The following KIAA1217 variants were observed in gnomAD, a reference collection of about 807,000 sequenced individuals.
The protein encoded by KIAA1217 is sickle tail protein homolog.
Under a neutral mutation model 163.9 loss-of-function variants are expected in KIAA1217, and 88 were observed. That is an observed-to-expected ratio of 0.54 (90% CI 0.45 to 0.64). The LOEUF (loss-of-function observed/expected upper bound fraction) is 0.64. KIAA1217 is among the 30% of genes least tolerant of loss of function. The pLI, the probability that KIAA1217 is intolerant of heterozygous loss-of-function variation, is 0.00. For synonymous variants in KIAA1217, 903 were observed against 923.1 expected (o/e 0.98, Z 0.39); for missense variants, 2,372 against 2,475.0 (o/e 0.96, Z 0.88).
At chr10:23,804,011 A>G (rs967783993) in intron 1 of KIAA1217, among the ~76,000 whole-genome samples, 2 of 152,238 alleles carry the variant, frequency 1.3e-5, no homozygotes, top group Non-Finnish European at 2.9e-5. Flanking sequence ...ATATAGACCT[A>G]AAATAATATT....
intron 3 of KIAA1217, among the ~76,000 whole-genome samples, chr10:24,400,501 G>A (rs1300812081): frequency 6.6e-6 from 1 of 152,116 alleles, no homozygotes; most frequent in East Asian, 1.9e-4. Context: ...AACAAATCTT[G>A]GCTCTTAAAG....
In KIAA1217 at chr10:24,544,975, C is replaced by T. The variant is rs775855368; in HGVS notation, c.5212-6C>T. On this transcript the variant is annotated splice_polypyrimidine_tract_variant and splice_region_variant and intron_variant, in intron 19 of 20. Transcript: ENST00000376454. ...CTCTTCCCCCTCTCACTGGTCCTTC[C>T]CACAGGGCTCCAGCGGGGCCCCACA... 6.2e-7 allele frequency: 1 copy of T among 1,613,732 alleles called. No individual in the cohort carries two copies. Among genetic ancestry groups the T allele is most frequent in the Non-Finnish European group, 8.5e-7 (1 of 1,179,754 alleles).
chr10:24,443,933 G>C (rs185616184), intron 5 of KIAA1217, among the ~76,000 whole-genome samples: 1 of 152,196 alleles, frequency 6.6e-6, no homozygotes, highest in South Asian at 2.1e-4. Flanking sequence ...AAAGCTGGAT[G>C]ATGGGGGTAC....
chr10:24,527,146 A>G (rs2072312011), intron 13 of KIAA1217, among the ~76,000 whole-genome samples: 1 of 152,016 alleles, frequency 6.6e-6, no homozygotes, highest in Non-Finnish European at 1.5e-5. Context: ...GGTCATCTAA[A>G]TAATACCTCC....
At chr10:24,442,076 A>T (rs1417298615) in intron 5 of KIAA1217, among the ~76,000 whole-genome samples, 1 of 151,852 alleles carries the variant, frequency 6.6e-6, no homozygotes, top group Non-Finnish European at 1.5e-5. Context: ...TTTCTCTTGC[A>T]TGTCTTTGAT....
chr10:24,505,366 T>A (rs1035477654), intron 9 of KIAA1217, among the ~76,000 whole-genome samples: 1 of 151,360 alleles, frequency 6.6e-6, no homozygotes, highest in African/African-American at 2.4e-5. Context: ...TGGGAAAGGG[T>A]TTTGTCAAGG....
rs770195224 is a variant in KIAA1217, at chr10:24,524,434, C to T, written c.2568C>T (p.Ala856=). The T allele has an allele frequency of 3.1e-6, 5 of 1,614,098 alleles. No individual in the cohort carries two copies. The African/African-American group carries it at 6.7e-5, about 22-fold the overall frequency. Residue 856 remains alanine, a synonymous_variant, in exon 13 of 21, where the codon GCC becomes GCT. Transcript: ENST00000376454. ...TCCTGAAGAGTCAGGAGGAGGCAGC[C>T]CACACCTCCGGCCAGCCCTTCCACA... ...AEVLKSQEEA[A]HTSGQPFHST... is the part of the protein sequence containing the mutation.
At chr10:24,512,774 C>T (rs575206291) in intron 9 of KIAA1217, among the ~76,000 whole-genome samples, 1 of 152,206 alleles carries the variant, frequency 6.6e-6, no homozygotes, top group Non-Finnish European at 1.5e-5. Context: ...TCCCATTCTA[C>T]ACCATGCGGT....
At position 24,542,921 on chromosome 10, in the gene KIAA1217, G is replaced by A. The variant is rs760391589; in HGVS notation, c.3651G>A (p.Lys1217=). 1.9e-6 allele frequency: 3 copies of A among 1,612,902 alleles called. No homozygotes were observed. Among genetic ancestry groups the A allele is most frequent in the Non-Finnish European group, 2.5e-6 (3 of 1,179,494 alleles). The change falls in exon 19 of 21, where the codon AAG becomes AAA. Residue 1217 remains lysine, a synonymous_variant. Coordinates refer to ENST00000376454, the MANE Select transcript of KIAA1217 (RefSeq NM_019590.5). The part of the protein sequence containing the change: ...TGAVRPSDPP[K]WERGMENSIS... ...CTGTAAGACCTAGTGACCCTCCTAA[G>A]TGGGAAAGAGGAATGGAGAATAGTA...
chr10:23,823,237 C>T lies in KIAA1217; in HGVS notation c.-321+128003C>T, dbSNP rs572522059. Among the ~76,000 whole-genome samples, 45 of 152,268 alleles carry T rather than the reference C, an allele frequency of 3.0e-4. No homozygotes were observed. The South Asian group carries it at 7.1e-3, about 24-fold the overall frequency. Reference sequence around the variant, plus strand: ...GCACATTCAGGTTGTTGGGAGAATTCGGTTCGTTACGGTTGTAGGACTGAG... The same window carrying T: ...GCACATTCAGGTTGTTGGGAGAATTTGGTTCGTTACGGTTGTAGGACTGAG... On this transcript the variant is annotated intron_variant, in intron 1 of 18. Transcript: ENST00000376462.
At chr10:23,861,283 A>G (rs1328747869) in intron 1 of KIAA1217, among the ~76,000 whole-genome samples, 1 of 152,186 alleles carries the variant, frequency 6.6e-6, no homozygotes, top group Non-Finnish European at 1.5e-5. Context: ...ATCCACATCA[A>G]GAAAGGCAGG....
Position 24,187,667 on chromosome 10 carries a change from G to C in KIAA1217, c.-170-31959G>C, listed in dbSNP as rs148914098. ...GCACTTTGGGAGGCTGAGGCAGGTG[G>C]ATCACCTGAGGGCAGGAGTTCGAGA... On this transcript the variant is annotated intron_variant, in intron 2 of 18. Coordinates refer to the KIAA1217 transcript ENST00000376462. 2.6e-3 allele frequency among the ~76,000 whole-genome samples: 395 copies of C among 152,150 alleles called. 2 individuals carry two copies. Among genetic ancestry groups the C allele is most frequent in the African/African-American group, 9.3e-3 (384 of 41,486 alleles).
intron 2 of KIAA1217, among the ~76,000 whole-genome samples, chr10:24,363,470 A>AT (rs1308724381): frequency 6.6e-6 from 1 of 151,824 alleles, no homozygotes; most frequent in African/African-American, 2.4e-5. Context: ...CTTCTGTTTA[A>AT]TTTTTACAGT....
At chr10:23,812,910 T>C (rs939649636) in intron 1 of KIAA1217, among the ~76,000 whole-genome samples, 1 of 152,178 alleles carries the variant, frequency 6.6e-6, no homozygotes, top group African/African-American at 2.4e-5. Context: ...TGAACATTCA[T>C]GTGCAACTTT....
At chr10:24,082,521 T>C (rs2061571625) in intron 2 of KIAA1217, among the ~76,000 whole-genome samples, 1 of 152,156 alleles carries the variant, frequency 6.6e-6, no homozygotes, top group South Asian at 2.1e-4. Context: ...CTGTGTTAGT[T>C]TGCTGAGGAT....
At chr10:24,505,286 A>T (rs2068186947) in intron 9 of KIAA1217, among the ~76,000 whole-genome samples, 1 of 150,692 alleles carries the variant, frequency 6.6e-6, no homozygotes, top group Non-Finnish European at 1.5e-5. Flanking sequence ...TATGAGAGCT[A>T]TATGGAACCT....
Position 24,544,041 on chromosome 10 carries a change from A to G in KIAA1217, c.4771A>G (p.Thr1591Ala), listed in dbSNP as rs1174712098. ...QLAALTQAIR[T>A]GTKTGKKTLQ... ...CGCCGCTCTCACTCAAGCCATTCGC[A>G]CCGGAACTAAAACAGGGAAGAAGAC... Residue 1591 changes from threonine to alanine, a missense_variant, in exon 19 of 21, where the codon ACC becomes GCC. Thr to Ala is a moderately conservative substitution (Grantham distance 58). Transcript: ENST00000376454. 3 of 1,614,030 alleles carry G rather than the reference A, an allele frequency of 1.9e-6. No individual in the cohort carries two copies. The highest frequency in any genetic ancestry group is 2.5e-6 in the Non-Finnish European group (3 of 1,180,040).
At chr10:24,255,944 T>C (rs917763474) in intron 2 of KIAA1217, among the ~76,000 whole-genome samples, 40 of 151,610 alleles carry the variant, frequency 2.6e-4, no homozygotes, top group African/African-American at 9.0e-4. Context: ...CAGTTCATCT[T>C]ACCTTGCCGG....
At chr10:23,826,529 C>T (rs1021371327) in intron 1 of KIAA1217, among the ~76,000 whole-genome samples, 3 of 152,098 alleles carry the variant, frequency 2.0e-5, no homozygotes, top group Non-Finnish European at 2.9e-5. Context: ...TTGAAAGCAC[C>T]GTCAAAACTC....
Sources: gnomAD v4.1 joint callset for allele counts (sites outside exome capture counted in the v4.1 genomes callset) on GRCh38, gnomAD v4.1.1 for gene constraint, MANE v1.5 for transcripts, NCBI Gene and HGNC (gene_info 2026-07-23, HGNC 2026-07-21) for gene names.